DOCK1: variants seen among roughly 807,000 people sequenced by gnomAD.
DOCK1 encodes the protein dedicator of cytokinesis 1.
DOCK1 carries 138 observed loss-of-function variants against 262.7 expected under a neutral mutation model. That is an observed-to-expected ratio of 0.53 (90% CI 0.46 to 0.61). The LOEUF is 0.61. Among genes scored for constraint, DOCK1 ranks in the 20% least tolerant of loss-of-function variants. The probability of loss-of-function intolerance (pLI) is 0.00; values close to 1 mark genes in which losing one functional copy is unlikely to be tolerated. For missense variants in DOCK1, 1,908 were observed against 2,370.7 expected (o/e 0.80, Z 4.05); for synonymous variants, 866 against 867.4 (o/e 1.00, Z 0.03).
chr10:127,358,659 T>C (rs1333736336), intron 32 of DOCK1, among the ~76,000 whole-genome samples: 1 of 152,170 alleles, frequency 6.6e-6, no homozygotes, highest in Non-Finnish European at 1.5e-5. Flanking sequence ...CATGGGTGTT[T>C]TTTGGCGACT....
chr10:126,973,144 G>C (rs1274924690), intron 2 of DOCK1, among the ~76,000 whole-genome samples: 1 of 151,944 alleles, frequency 6.6e-6, no homozygotes, highest in Non-Finnish European at 1.5e-5. Context: ...TGTCATTCCT[G>C]AATAGTTAAT....
At chr10:127,384,978 G>T in intron 38 of DOCK1, 69 bp downstream of exon 38, 1 of 1,403,472 alleles carries the variant, frequency 7.1e-7, no homozygotes, top group East Asian at 2.6e-5. Flanking sequence ...TTGTAAACAC[G>T]TTTTTTAGCG....
intron 29 of DOCK1, among the ~76,000 whole-genome samples, chr10:127,269,182 G>A (rs1175661943): frequency 3.9e-5 from 6 of 152,124 alleles, no homozygotes; most frequent in Non-Finnish European, 8.8e-5. Flanking sequence ...GTGTTTTGGG[G>A]GAATAAATGA....
intron 10 of DOCK1, among the ~76,000 whole-genome samples, chr10:127,002,194 A>G (rs2040642409): frequency 6.6e-6 from 1 of 152,056 alleles, no homozygotes; most frequent in Non-Finnish European, 1.5e-5. Context: ...TTTTTGTCTC[A>G]GGCATAATTG....
At chr10:126,945,572 G>C (rs978629799) in intron 1 of DOCK1, among the ~76,000 whole-genome samples, 40 of 152,126 alleles carry the variant, frequency 2.6e-4, no homozygotes, top group Non-Finnish European at 5.3e-4. Context: ...TTATTGGCTA[G>C]AAGTGAGTCA....
intron 10 of DOCK1, among the ~76,000 whole-genome samples, chr10:127,003,896 G>T (rs976325972): frequency 6.6e-6 from 1 of 152,134 alleles, no homozygotes; most frequent in African/African-American, 2.4e-5. Flanking sequence ...GGAGGTTGCA[G>T]TGAGCTAAGA....
chr10:126,922,804 T>TA (rs754238746), intron 1 of DOCK1, among the ~76,000 whole-genome samples: 36 of 152,198 alleles, frequency 2.4e-4, no homozygotes, highest in Admixed American at 4.6e-4. Context: ...ATGTTAGTTT[T>TA]ACCTCCTTTA....
intron 35 of DOCK1, among the ~76,000 whole-genome samples, chr10:127,378,319 C>T (rs188375204): frequency 1.1e-4 from 17 of 152,060 alleles, no homozygotes; most frequent in African/African-American, 3.9e-4. Flanking sequence ...CAATGCCTAG[C>T]GGTGGATTGG....
chr10:127,206,234 C>T (rs1209145394), intron 27 of DOCK1, among the ~76,000 whole-genome samples: 1 of 148,038 alleles, frequency 6.8e-6, no homozygotes, highest in Non-Finnish European at 1.5e-5. Context: ...ACCTCCACCT[C>T]CCAAACTCAA....
At chr10:127,190,899 C>G (rs2056706942) in intron 27 of DOCK1, among the ~76,000 whole-genome samples, 1 of 152,016 alleles carries the variant, frequency 6.6e-6, no homozygotes, top group African/African-American at 2.4e-5. Flanking sequence ...TCTCCAACTC[C>G]TCTCCTCTGG....
intron 37 of DOCK1, among the ~76,000 whole-genome samples, chr10:127,383,898 C>A (rs1185901507): frequency 6.6e-6 from 1 of 152,144 alleles, no homozygotes; most frequent in Admixed American, 6.5e-5. Context: ...TCACAGTGTT[C>A]TTTTTCTTGT....
At chr10:127,077,202 CTGGCCAACATGG>C (rs1297966640) in intron 23 of DOCK1, among the ~76,000 whole-genome samples, 1 of 152,000 alleles carries the variant, frequency 6.6e-6, no homozygotes, top group Admixed American at 6.6e-5. Context: ...TGAGACCAAC[CTGGCCAACATGG>C]TGAAGCTCCA....
chr10:127,161,139 G>A (rs763738702), intron 27 of DOCK1, among the ~76,000 whole-genome samples: 4 of 152,126 alleles, frequency 2.6e-5, no homozygotes, highest in Non-Finnish European at 5.9e-5. Flanking sequence ...ATTATGCCCC[G>A]GACATGTACT....
chr10:127,243,317 G>A (rs2059326337), intron 27 of DOCK1, among the ~76,000 whole-genome samples: 2 of 152,130 alleles, frequency 1.3e-5, no homozygotes, highest in African/African-American at 4.8e-5. Flanking sequence ...ACCAGTCTGT[G>A]CTTTTGTTAG....
chr10:127,353,266 A>T (rs947937710), intron 31 of DOCK1, among the ~76,000 whole-genome samples: 2 of 152,156 alleles, frequency 1.3e-5, no homozygotes, highest in Admixed American at 1.3e-4. Flanking sequence ...CCCTGCAGCC[A>T]ACTGCATCCT....
At chr10:127,302,613 CA>C (rs1285348711) in intron 29 of DOCK1, among the ~76,000 whole-genome samples, 1 of 152,146 alleles carries the variant, frequency 6.6e-6, no homozygotes, top group African/African-American at 2.4e-5. Flanking sequence ...CTGAGAGGAA[CA>C]ATTCAAACAA....
chr10:127,223,621 T>G (rs529351106), intron 27 of DOCK1, among the ~76,000 whole-genome samples: 2 of 152,212 alleles, frequency 1.3e-5, no homozygotes, highest in Admixed American at 1.3e-4. Context: ...TCTGAAACAT[T>G]TCTTGTCCCA....
At position 126,960,938 on chromosome 10, in the gene DOCK1, C is replaced by T. The variant is rs963696384; in HGVS notation, c.47-9764C>T. ...TAAGGCATACAGAGATATTTTATTC[C>T]GAAGAAAGATATTAAAATGTCTTTT... On this transcript the variant is annotated intron_variant, in intron 1 of 51. Coordinates refer to ENST00000623213, the MANE Select transcript of DOCK1 (RefSeq NM_001290223.2). 2.5e-4 allele frequency among the ~76,000 whole-genome samples: 38 copies of T among 151,038 alleles called. 1 individual carries two copies. The South Asian group carries it at 3.8e-3, about 15-fold the overall frequency.
intron 51 of DOCK1, among the ~76,000 whole-genome samples, chr10:127,450,892 AG>A (rs2070917771): frequency 6.6e-6 from 1 of 152,102 alleles, no homozygotes; most frequent in Non-Finnish European, 1.5e-5. Flanking sequence ...CCTGCCAAAA[AG>A]CTGGAAATAT....
Sources: allele counts gnomAD v4.1 joint callset (sites outside exome capture counted in the v4.1 genomes callset), GRCh38; gene constraint gnomAD v4.1.1; transcripts MANE v1.5; gene names NCBI Gene and HGNC (gene_info 2026-07-23, HGNC 2026-07-21).